The following CD36 variants were observed in gnomAD, a reference collection of about 807,000 sequenced individuals.
The protein encoded by CD36 is CD36 molecule (CD36 blood group).
In CD36, 119 loss-of-function variants were observed where a neutral mutation model predicts 55.2. The ratio of observed to expected loss-of-function variants is 2.15; its 90% CI spans 1.86 to 2.51. CD36 has a LOEUF of 2.51. CD36 is among the 30% of genes most tolerant of loss of function. The pLI, the probability that CD36 is intolerant of heterozygous loss-of-function variation, is 0.00. For missense variants in CD36, 819 were observed against 555.5 expected (o/e 1.47, Z -4.77); for synonymous variants, 186 against 193.6 (o/e 0.96, Z 0.33).
chr7:80,620,648 C>T (rs1793414546), intron 1 of CD36, among the ~76,000 whole-genome samples: 1 of 151,994 alleles, frequency 6.6e-6, no homozygotes. Flanking sequence ...AGGGTGGGAT[C>T]CTGTCTGGGG....
rs1426410584 is a variant in CD36, at chr7:80,673,378, ACTATATTGTGC to A, written c.1228_1238del (p.Ile410SerfsTer4). ...AGAGTATTAAAGAATCTGAAGAGGA[ACTATATTGTGC>A]CTATTCTTTGGCTTAATGAGGTTTG... On this transcript the variant is annotated frameshift_variant, in exon 13 of 15. Transcript: ENST00000447544. LOFTEE classifies it high-confidence loss of function. 6.4e-7 allele frequency: 1 copy of A among 1,558,502 alleles called. No individual in the cohort carries two copies. The highest frequency in any genetic ancestry group is 1.4e-5 in the African/African-American group (1 of 73,848).
chr7:80,608,756 G>A (rs146027349), intron 1 of CD36, among the ~76,000 whole-genome samples: 12 of 152,114 alleles, frequency 7.9e-5, no homozygotes, highest in African/African-American at 2.7e-4. Context: ...CAGGTTAATA[G>A]TACCTCCTTT....
At chr7:80,626,788 T>C (rs1423003818) in intron 1 of CD36, among the ~76,000 whole-genome samples, 3 of 152,042 alleles carry the variant, frequency 2.0e-5, no homozygotes, top group Non-Finnish European at 4.4e-5. Flanking sequence ...CAACCTTTGT[T>C]TGAGTATTTG....
intron 1 of CD36, among the ~76,000 whole-genome samples, chr7:80,622,457 C>T (rs1267771226): frequency 1.3e-5 from 2 of 152,108 alleles, no homozygotes; most frequent in Non-Finnish European, 2.9e-5. Context: ...CTGTCTCAAA[C>T]ATTACAGCAG....
At chr7:80,655,239 C>G (rs1054579987) in intron 3 of CD36, among the ~76,000 whole-genome samples, 6 of 152,198 alleles carry the variant, frequency 3.9e-5, no homozygotes, top group Admixed American at 6.5e-5. Flanking sequence ...CCCAATACTT[C>G]ATTAGAAATA....
intron 1 of CD36, among the ~76,000 whole-genome samples, chr7:80,617,713 C>T (rs1351706600): frequency 8.0e-6 from 1 of 125,466 alleles, no homozygotes; most frequent in Non-Finnish European, 1.6e-5. Context: ...AACGACAGAG[C>T]GAGACTGTGT....
rs149336665 is a variant in CD36 at position 80,617,354 on chromosome 7, C to A, written c.-184+14975C>A. Among the ~76,000 whole-genome samples the A allele has an allele frequency of 1.9e-3, 285 of 151,966 alleles. 1 individual carries two copies. Among genetic ancestry groups the A allele is most frequent in the African/African-American group, 6.7e-3 (279 of 41,440 alleles). ...GACACAGTTTACCTATGTAACAAAC[C>A]TGCATGTGTACCCCTGAACTTAAAA... is the stretch of plus-strand genomic sequence containing the variant. On this transcript the variant is annotated intron_variant, in intron 1 of 13. Coordinates refer to the CD36 transcript ENST00000309881.
chr7:80,612,062 C>T (rs1212223207), intron 1 of CD36, among the ~76,000 whole-genome samples: 2 of 152,220 alleles, frequency 1.3e-5, no homozygotes, highest in Non-Finnish European at 2.9e-5. Context: ...CAAGACCTAG[C>T]TAATAATATC....
chr7:80,641,888 T>C (rs1386076719), intron 1 of CD36, among the ~76,000 whole-genome samples: 1 of 151,564 alleles, frequency 6.6e-6, no homozygotes, highest in Non-Finnish European at 1.5e-5. Flanking sequence ...CCCAATATAG[T>C]GGGAGGGTAT....
chr7:80,661,093 C>A lies in CD36; in HGVS notation c.312C>A (p.Thr104=). Residue 104 remains threonine (T), a synonymous_variant, in exon 5 of 15, where the codon ACC becomes ACA. Transcript: ENST00000447544. ...GTTTTCTAGCCAAGGAAAATGTAACCCAGGACGCTGAGGACAACACAGTCT... is the reference window on the plus strand; with the variant it reads ...GTTTTCTAGCCAAGGAAAATGTAACACAGGACGCTGAGGACAACACAGTCT... ...RVRFLAKENV[T]QDAEDNTVSF... The A allele has an allele frequency of 6.2e-7, 1 of 1,613,804 alleles. No homozygotes were observed. The highest frequency in any genetic ancestry group is 2.2e-5 in the East Asian group (1 of 44,838).
At chr7:80,651,129 G>T (rs567122177) in intron 3 of CD36, among the ~76,000 whole-genome samples, 4 of 152,084 alleles carry the variant, frequency 2.6e-5, no homozygotes, top group Non-Finnish European at 4.4e-5. Context: ...GCAGATTAAT[G>T]CAGGAACAGA....
At chr7:80,655,652 A>C (rs1795991213) in intron 3 of CD36, among the ~76,000 whole-genome samples, 2 of 152,118 alleles carry the variant, frequency 1.3e-5, no homozygotes, top group Non-Finnish European at 1.5e-5. Flanking sequence ...GGTTGTTGCA[A>C]ATATATTGAA....
intron 8 of CD36, among the ~76,000 whole-genome samples, chr7:80,666,926 C>T (rs1183359076): frequency 6.6e-6 from 1 of 152,074 alleles, no homozygotes; most frequent in Non-Finnish European, 1.5e-5. Flanking sequence ...AATAAAGTTG[C>T]AAGACAGAAC....
At chr7:80,640,345 T>C (rs1405755509) in intron 1 of CD36, among the ~76,000 whole-genome samples, 1 of 152,068 alleles carries the variant, frequency 6.6e-6, no homozygotes, top group East Asian at 1.9e-4. Flanking sequence ...ACTTGGCCAA[T>C]ATGAAATAAC....
chr7:80,635,143 A>C (rs1461772002), upstream of CD36, among the ~76,000 whole-genome samples: 9 of 152,140 alleles, frequency 5.9e-5, no homozygotes, highest in Non-Finnish European at 1.2e-4. Context: ...CTTCTGAGGA[A>C]TACAATTGGG....
chr7:80,658,980 C>T (rs964824032), intron 4 of CD36, among the ~76,000 whole-genome samples: 12 of 152,070 alleles, frequency 7.9e-5, no homozygotes, highest in African/African-American at 2.7e-4. Context: ...GGAGCAAAGA[C>T]TGGAGAAGAA....
chr7:80,624,386 C>T (rs1793636831), intron 1 of CD36, among the ~76,000 whole-genome samples: 1 of 152,042 alleles, frequency 6.6e-6, no homozygotes, highest in South Asian at 2.1e-4. Flanking sequence ...TTTAGGCAGC[C>T]TGTTTCAAAC....
chr7:80,645,965 G>T (rs1275917687), intron 1 of CD36, 123 bp from the exon 2 acceptor site: 1 of 152,192 alleles, frequency 6.6e-6, no homozygotes, highest in African/African-American at 2.4e-5. Flanking sequence ...CCTGAACTCA[G>T]TATTCATGAA....
chr7:80,673,302 T>G, intron 12 of CD36, 53 bp from the exon 13 acceptor site: 1 of 804,810 alleles, frequency 1.2e-6, no homozygotes, highest in African/African-American at 1.8e-5. Context: ...TAAAGTTTGT[T>G]ATATATAAAT....
Sources: gnomAD v4.1 joint callset for allele counts (sites outside exome capture counted in the v4.1 genomes callset) on GRCh38, gnomAD v4.1.1 for gene constraint, MANE v1.5 for transcripts, NCBI Gene and HGNC (gene_info 2026-07-23, HGNC 2026-07-21) for gene names.